Variants in PCBP3 observed in about 807,000 individuals in gnomAD.
PCBP3 encodes the protein poly(rC)-binding protein 3.
Under a neutral mutation model 52.7 loss-of-function variants are expected in PCBP3, and 25 were observed. The ratio of observed to expected loss-of-function variants is 0.47; its 90% CI spans 0.35 to 0.66. PCBP3 has a LOEUF of 0.66. Among genes scored for constraint, PCBP3 ranks in the 30% least tolerant of loss-of-function variants. The pLI, the probability that PCBP3 is intolerant of heterozygous loss-of-function variation, is 0.01. For synonymous variants in PCBP3, 162 were observed against 183.0 expected, an observed-to-expected ratio of 0.89 and a Z score of 0.93; for missense variants, 391 against 490.3, an observed-to-expected ratio of 0.80 and a Z score of 1.91.
In PCBP3 at chr21:45,928,082, G is replaced by A. The variant is rs535036167; in HGVS notation, c.718-1835G>A. Among the ~76,000 whole-genome samples, 10 of 152,310 alleles carry A rather than the reference G, an allele frequency of 6.6e-5. No homozygotes were observed. The East Asian group carries it at 9.7e-4, about 15-fold the overall frequency. On this transcript the variant is annotated intron_variant, in intron 13 of 17. Transcript: ENST00000681687. This position sits in a 1 kb window ranked among gnomAD's most constrained non-coding sequence, Gnocchi z 4.1. Reference sequence around the variant, plus strand: ...TGGGACACTTGCGGTCTTTCCTGACGTGCCCCGTCCAGGTGGGGCGCCTTC... The same window carrying A: ...TGGGACACTTGCGGTCTTTCCTGACATGCCCCGTCCAGGTGGGGCGCCTTC...
At chr21:45,776,766 C>G (rs1471224157) in intron 4 of PCBP3, among the ~76,000 whole-genome samples, 5 of 152,092 alleles carry the variant, frequency 3.3e-5, no homozygotes, top group African/African-American at 1.2e-4. Flanking sequence ...ACTGACAAGG[C>G]TAGTTTCTCG....
chr21:45,919,640 G>A lies in PCBP3; in HGVS notation c.717+2011G>A, dbSNP rs188218287. Among the ~76,000 whole-genome samples, 80 of 152,326 alleles carry A rather than the reference G, an allele frequency of 5.3e-4. 1 individual carries two copies. The highest frequency in any genetic ancestry group is 6.2e-4 in the South Asian group (3 of 4,828). The stretch of plus-strand genomic sequence containing the variant: ...GAGGCCGTTTTTAGTGGTTCCTGGC[G>A]TCAGACCTTTGGTGATGCTGCTGTA... On this transcript the variant is annotated intron_variant, in intron 13 of 17. Transcript: ENST00000681687.
At chr21:45,744,943 G>A (rs1336723970) in intron 3 of PCBP3, among the ~76,000 whole-genome samples, 3 of 152,194 alleles carry the variant, frequency 2.0e-5, no homozygotes, top group Non-Finnish European at 2.9e-5. Flanking sequence ...GGGTCAGAGA[G>A]GGACTGGGCC....
chr21:45,814,699 ATGAGTGG>A (rs2092801665), intron 4 of PCBP3, among the ~76,000 whole-genome samples: 1 of 76,396 alleles, frequency 1.3e-5, no homozygotes, highest in Non-Finnish European at 2.6e-5. Context: ...GTGGTGAGTG[ATGAGTGG>A]TGAGTGATGA....
intron 2 of PCBP3, among the ~76,000 whole-genome samples, chr21:45,713,733 G>A (rs2084017213): frequency 6.6e-6 from 1 of 152,228 alleles, no homozygotes; most frequent in Non-Finnish European, 1.5e-5. Context: ...GCAGCCTCTC[G>A]ATGGTGCTGG....
At chr21:45,669,575 A>T (rs908301582) in intron 2 of PCBP3, among the ~76,000 whole-genome samples, 1 of 151,840 alleles carries the variant, frequency 6.6e-6, no homozygotes, top group African/African-American at 2.4e-5. Flanking sequence ...TTACACATTA[A>T]ACAATAACTC....
At chr21:45,707,533 A>T in intron 2 of PCBP3, among the ~76,000 whole-genome samples, 1 of 152,124 alleles carries the variant, frequency 6.6e-6, no homozygotes, top group East Asian at 1.9e-4. Flanking sequence ...AATAAATAAT[A>T]AATAATAAAA....
intron 3 of PCBP3, among the ~76,000 whole-genome samples, chr21:45,742,885 AT>A (rs1322069566): frequency 6.6e-6 from 1 of 152,192 alleles, no homozygotes; most frequent in Non-Finnish European, 1.5e-5. Flanking sequence ...TTCAAAAAAT[AT>A]TTTGGTTATT....
intron 2 of PCBP3, among the ~76,000 whole-genome samples, chr21:45,712,252 T>C (rs889315837): frequency 1.3e-5 from 2 of 152,356 alleles, no homozygotes; most frequent in Non-Finnish European, 2.9e-5. Context: ...TTCAATTCAT[T>C]TGGGCAAATA....
chr21:45,738,019 T>G (rs2086017246), intron 3 of PCBP3, among the ~76,000 whole-genome samples: 1 of 152,090 alleles, frequency 6.6e-6, no homozygotes. Context: ...ACAGGTGCCT[T>G]CCCTGGGCTG....
At chr21:45,670,928 G>A (rs2081131351) in intron 2 of PCBP3, among the ~76,000 whole-genome samples, 1 of 152,142 alleles carries the variant, frequency 6.6e-6, no homozygotes, top group South Asian at 2.1e-4. Context: ...TGCTACGGAG[G>A]TGGCATCCTT....
At chr21:45,774,337 C>A (rs555283306) in intron 4 of PCBP3, among the ~76,000 whole-genome samples, 2 of 151,324 alleles carry the variant, frequency 1.3e-5, no homozygotes, top group Admixed American at 1.3e-4. Context: ...AACCTGTGAA[C>A]CGAGATTGCG....
Position 45,821,373 on chromosome 21 carries a change from C to A in PCBP3, c.-125-28588C>A, listed in dbSNP as rs751129554. Among the ~76,000 whole-genome samples the A allele has an allele frequency of 6.6e-6, 1 of 151,422 alleles. No individual in the cohort carries two copies. Among genetic ancestry groups the A allele is most frequent in the East Asian group, 2.0e-4 (1 of 5,110 alleles). On this transcript the variant is annotated intron_variant, in intron 4 of 17. Transcript: ENST00000681687. This position sits in a 1 kb window ranked among gnomAD's most constrained non-coding sequence, Gnocchi z 4.4. ...TGAGGTCCAGTACCCCCCTGCACCA[C>A]GCTGTGGGCCCCGCACCCTCCCCCA...
At chr21:45,777,015 T>G (rs1483619241) in intron 4 of PCBP3, among the ~76,000 whole-genome samples, 1 of 152,210 alleles carries the variant, frequency 6.6e-6, no homozygotes, top group Admixed American at 6.5e-5. Flanking sequence ...CACTGAGTTA[T>G]GTTTTCATGT....
chr21:45,886,600 CGTGGTG>C (rs2095530400), intron 5 of PCBP3, among the ~76,000 whole-genome samples: 3 of 143,966 alleles, frequency 2.1e-5, no homozygotes, highest in East Asian at 2.1e-4. Flanking sequence ...GGGCAGAGGA[CGTGGTG>C]AGGTGTGGAG....
chr21:45,795,587 A>G (rs1358017011), intron 4 of PCBP3, among the ~76,000 whole-genome samples: 1 of 152,236 alleles, frequency 6.6e-6, no homozygotes, highest in East Asian at 1.9e-4. Context: ...CACGTCAAAC[A>G]TGAGGGATGC....
chr21:45,891,237 C>T (rs187223820), intron 5 of PCBP3, among the ~76,000 whole-genome samples: 40 of 152,320 alleles, frequency 2.6e-4, no homozygotes, highest in Non-Finnish European at 4.9e-4. Flanking sequence ...AGGATCCAAC[C>T]GTTGTGCTCC....
In PCBP3 at chr21:45,788,069, C is replaced by T. The variant is rs989870529; in HGVS notation, c.-126+32617C>T. Reference sequence around the variant, plus strand: ...TCAGGAGTTGACAGGAGGGCATAGCCAGGAACAGCTGGTGTCTCCTTACTG... The same window carrying T: ...TCAGGAGTTGACAGGAGGGCATAGCTAGGAACAGCTGGTGTCTCCTTACTG... On this transcript the variant is annotated intron_variant, in intron 4 of 17. Coordinates refer to ENST00000681687, the MANE Select transcript of PCBP3 (RefSeq NM_001384156.1). This position sits in a 1 kb window ranked among gnomAD's most constrained non-coding sequence, Gnocchi z 4.3. Among the ~76,000 whole-genome samples the T allele has an allele frequency of 1.3e-5, 2 of 152,158 alleles. No homozygotes were observed. The highest frequency in any genetic ancestry group is 4.8e-5 in the African/African-American group (2 of 41,414).
chr21:45,729,817 C>T lies in PCBP3; in HGVS notation c.-199-5575C>T, dbSNP rs530432926. 3.9e-5 allele frequency among the ~76,000 whole-genome samples: 6 copies of T among 152,124 alleles called. No individual in the cohort carries two copies. In the South Asian group the frequency reaches 1.2e-3, roughly 32 times the overall value. On this transcript the variant is annotated intron_variant, in intron 2 of 17. Transcript: ENST00000681687. ...ACTTCTATTTATATATTTTTAGAGACAGAGGCTTGCTCTGTAACCTTGAAC... is the reference window on the plus strand; with the variant it reads ...ACTTCTATTTATATATTTTTAGAGATAGAGGCTTGCTCTGTAACCTTGAAC...
Sources: allele counts gnomAD v4.1 joint callset (sites outside exome capture counted in the v4.1 genomes callset), GRCh38; gene constraint gnomAD v4.1.1; non-coding constraint Gnocchi (gnomAD v3.1); transcripts MANE v1.5; gene names NCBI Gene and HGNC (gene_info 2026-07-23, HGNC 2026-07-21).